CCDC93: variants seen among roughly 807,000 people sequenced by gnomAD.
The protein encoded by CCDC93 is coiled-coil domain-containing protein 93.
In CCDC93, 61 loss-of-function variants were observed where a neutral mutation model predicts 108.2. The ratio of observed to expected loss-of-function variants is 0.56; its 90% CI spans 0.46 to 0.70. CCDC93 has a LOEUF of 0.70. CCDC93 is among the 30% of genes least tolerant of loss of function. The pLI is 0.00. For synonymous variants in CCDC93, 276 were observed against 260.4 expected (o/e 1.06, Z -0.58); for missense variants, 685 against 764.2 (o/e 0.90, Z 1.22).
At chr2:117,976,192 G>A (rs1215165832) in intron 8 of CCDC93, among the ~76,000 whole-genome samples, 2 of 152,206 alleles carry the variant, frequency 1.3e-5, no homozygotes, top group South Asian at 2.1e-4. Context: ...TACAGGGGAT[G>A]AGACTGCTAA....
At chr2:117,981,138 GC>G in intron 7 of CCDC93, among the ~76,000 whole-genome samples, 1 of 152,190 alleles carries the variant, frequency 6.6e-6, no homozygotes, top group South Asian at 2.1e-4. Flanking sequence ...ATTATGAATT[GC>G]TAAATTCATA....
At chr2:117,977,667 T>C (rs1679985798) in intron 8 of CCDC93, among the ~76,000 whole-genome samples, 1 of 152,220 alleles carries the variant, frequency 6.6e-6, no homozygotes, top group East Asian at 1.9e-4. Context: ...ATTTAGAGTC[T>C]CACCTCAGAT....
At chr2:118,008,134 G>A (rs566529182) in intron 2 of CCDC93, among the ~76,000 whole-genome samples, 9 of 152,218 alleles carry the variant, frequency 5.9e-5, no homozygotes, top group Non-Finnish European at 7.4e-5. Flanking sequence ...ATTGCATAGC[G>A]ATCTCTCTCT....
Position 117,944,013 on chromosome 2 carries a change from C to T in CCDC93, c.1413+11G>A. On this transcript the variant is annotated intron_variant, in intron 18 of 23. Transcript: ENST00000376300. ...AGCATTTATGCATATTTTTGTCCTTCTTTTACTCACCTGTAGTAAACGTAT... is the reference window on the plus strand; with the variant it reads ...AGCATTTATGCATATTTTTGTCCTTTTTTTACTCACCTGTAGTAAACGTAT... The T allele has an allele frequency of 6.3e-7, 1 of 1,586,566 alleles. No homozygotes were observed. Among genetic ancestry groups the T allele is most frequent in the African/African-American group, 1.4e-5 (1 of 74,018 alleles).
chr2:118,001,052 C>T, intron 3 of CCDC93, 120 bp from the exon 4 acceptor site: 1 of 625,066 alleles, frequency 1.6e-6, no homozygotes, highest in Admixed American at 2.7e-5. Flanking sequence ...CTAGTCCAGA[C>T]CATGACAAGT....
chr2:118,002,474 A>G (rs529801206), intron 3 of CCDC93, among the ~76,000 whole-genome samples: 113 of 152,326 alleles, frequency 7.4e-4, no homozygotes, highest in African/African-American at 2.7e-3. Flanking sequence ...AGTGTCTGGT[A>G]TCTGGAAAAT....
At chr2:117,943,583 T>C (rs1026742296) in intron 18 of CCDC93, among the ~76,000 whole-genome samples, 1 of 152,224 alleles carries the variant, frequency 6.6e-6, no homozygotes, top group Non-Finnish European at 1.5e-5. Flanking sequence ...CAAGGAATTT[T>C]TGGCTTTTGA....
At chr2:117,961,772 A>C (rs1432539890) in intron 11 of CCDC93, among the ~76,000 whole-genome samples, 1 of 152,216 alleles carries the variant, frequency 6.6e-6, no homozygotes, top group Non-Finnish European at 1.5e-5. Flanking sequence ...AGAAGAGGAA[A>C]AGGGGCTTTA....
intron 13 of CCDC93, 114 bp from the exon 14 acceptor site, chr2:117,949,509 G>A: frequency 6.5e-6 from 5 of 768,720 alleles, no homozygotes; most frequent in Admixed American, 2.7e-5. Context: ...ACTTAAACTT[G>A]GATTTTAATG....
At chr2:117,931,197 C>G (rs748771218) in intron 22 of CCDC93, 47 bp from the exon 23 acceptor site, 32 of 1,354,946 alleles carry the variant, frequency 2.4e-5, no homozygotes, top group Non-Finnish European at 3.2e-5. Context: ...ATGTTCTGCC[C>G]AAGGGCTACT....
At chr2:117,936,995 G>C (rs1678547151) in intron 20 of CCDC93, 1 of 496,490 alleles carries the variant, frequency 2.0e-6, no homozygotes, top group Non-Finnish European at 3.7e-6. Context: ...GTAGGGAGAA[G>C]GTGCTTTGAA....
chr2:117,943,469 G>C (rs1268780341), intron 18 of CCDC93, among the ~76,000 whole-genome samples: 1 of 152,190 alleles, frequency 6.6e-6, no homozygotes, highest in African/African-American at 2.4e-5. Flanking sequence ...CAGAGAGAGG[G>C]GAAAGGGGCT....
chr2:117,931,368 T>G, intron 22 of CCDC93: 2 of 435,150 alleles, frequency 4.6e-6, no homozygotes, highest in East Asian at 4.1e-5. Context: ...TATTAACTGT[T>G]TCCATTTTTT....
intron 13 of CCDC93, chr2:117,951,114 TAGAA>T (rs1179459934): frequency 1.2e-4 from 114 of 982,042 alleles, no homozygotes; most frequent in Non-Finnish European, 1.3e-4. Context: ...ATAAATGTCT[TAGAA>T]AGCTGATATC....
In CCDC93 at chr2:118,014,058, C is replaced by G; in HGVS notation, c.-63G>C. ...GCCAAGCGTCCGGAGGAAGCTGTCC[C>G]TGCCGCGGAGCTGCTACCGGGGTGG... is the stretch of plus-strand genomic sequence containing the variant. On this transcript the variant is annotated 5_prime_UTR_variant, in exon 1 of 24. Transcript: ENST00000376300. 1 of 1,565,792 alleles carries G rather than the reference C, an allele frequency of 6.4e-7. No individual in the cohort carries two copies. Among genetic ancestry groups the G allele is most frequent in the Non-Finnish European group, 8.7e-7 (1 of 1,155,916 alleles).
intron 7 of CCDC93, chr2:117,985,524 A>AT (rs777242636): frequency 0.018 from 6,626 of 360,508 alleles, no homozygotes; most frequent in Non-Finnish European, 0.02. Context: ...ATAAAATAAG[A>AT]TTTTTTTTTT....
intron 19 of CCDC93, 82 bp downstream of exon 19, chr2:117,941,107 T>G: frequency 1.0e-6 from 1 of 965,210 alleles, no homozygotes. Context: ...CTCTGGTGCA[T>G]GCTCCCCCAT....
intron 18 of CCDC93, among the ~76,000 whole-genome samples, chr2:117,943,565 G>C (rs934141994): frequency 1.3e-5 from 2 of 152,216 alleles, no homozygotes; most frequent in South Asian, 4.1e-4. Context: ...TTGAACCAAA[G>C]TGTGACACAA....
intron 23 of CCDC93, among the ~76,000 whole-genome samples, chr2:117,923,020 G>A: frequency 1.4e-5 from 2 of 148,112 alleles, no homozygotes; most frequent in South Asian, 2.2e-4. Flanking sequence ...AAAAAAAAAA[G>A]GACTACCCAC....
Sources: allele counts gnomAD v4.1 joint callset (sites outside exome capture counted in the v4.1 genomes callset), GRCh38; gene constraint gnomAD v4.1.1; transcripts MANE v1.5; gene names NCBI Gene and HGNC (gene_info 2026-07-23, HGNC 2026-07-21).